The following NPC1 variants were observed in gnomAD, a reference collection of about 807,000 sequenced individuals.
NPC1 encodes Niemann-Pick C1 protein.
Under a neutral mutation model 140.4 loss-of-function variants are expected in NPC1, and 85 were observed. That is an observed-to-expected ratio of 0.61 (90% CI 0.51 to 0.72). The LOEUF (loss-of-function observed/expected upper bound fraction) is 0.72. Ranked by LOEUF, NPC1 falls within the 30% of genes least tolerant of loss-of-function variation. The pLI is 0.00. For synonymous variants in NPC1, 656 were observed against 624.8 expected (o/e 1.05, Z -0.74); for missense variants, 1,504 against 1,623.8 (o/e 0.93, Z 1.27).
Position 23,538,775 on chromosome 18 carries a change from C to A in NPC1, c.2912-104G>T. On this transcript the variant is annotated intron_variant, in intron 19 of 24. Transcript: ENST00000269228. ...TGAGGGGCATTACTTTCTTCTCTAT[C>A]GATTACTTTCCTTACTAGTGAGGGA... is the stretch of plus-strand genomic sequence containing the variant. 3 of 1,237,316 alleles carry A rather than the reference C, an allele frequency of 2.4e-6. No individual in the cohort carries two copies. The South Asian group carries it at 3.6e-5, about 15-fold the overall frequency. The allele number at this position is 1,237,316 out of a possible 1,614,324, so 76.6% of individuals were successfully genotyped here.
chr18:23,516,145 A>G, intron 3 of NPC1: 1 of 1,343,804 alleles, frequency 7.4e-7, no homozygotes, highest in African/African-American at 1.5e-5. Flanking sequence ...TATACCCGTC[A>G]GCTCCTGGAG....
intron 6 of NPC1, 147 bp from the exon 7 acceptor site, chr18:23,557,337 T>G: frequency 2.9e-6 from 2 of 699,308 alleles, no homozygotes; most frequent in Non-Finnish European, 5.2e-6. Flanking sequence ...CTAAGTCCCC[T>G]TGCTCTGGGT....
At chr18:23,561,840 T>C (rs1156784528) in intron 4 of NPC1, among the ~76,000 whole-genome samples, 3 of 152,120 alleles carry the variant, frequency 2.0e-5, no homozygotes, top group East Asian at 3.8e-4. Context: ...TAGAAGAGTA[T>C]ACCAAGGCCC....
Position 23,586,457 on chromosome 18 carries a change from C to T in NPC1, c.-114G>A. 1 of 1,486,200 alleles carries T rather than the reference C, an allele frequency of 6.7e-7. No homozygotes were observed. Among genetic ancestry groups the T allele is most frequent in the Non-Finnish European group, 8.9e-7 (1 of 1,125,036 alleles). The allele number at this position is 1,486,200 out of a possible 1,614,324, so 92.1% of individuals were successfully genotyped here. On this transcript the variant is annotated 5_prime_UTR_variant, in exon 1 of 25. Transcript: ENST00000269228. ...ACCCCGCGCAGGAGGAGCGGAGGAG[C>T]AGGAGCAGGCGCTGACCGCGGCAGC...
At chr18:23,524,069 G>T in intron 1 of NPC1, 1 of 1,532,258 alleles carries the variant, frequency 6.5e-7, no homozygotes, top group Non-Finnish European at 9.0e-7. Flanking sequence ...TGTGTCATAA[G>T]TACCAGCATT....
At chr18:23,572,042 C>A (rs1818242641) in intron 3 of NPC1, 32 bp downstream of exon 3, 3 of 1,404,336 alleles carry the variant, frequency 2.1e-6, no homozygotes, top group Admixed American at 1.7e-5. Flanking sequence ...GTATCTACAG[C>A]CCAGTTGTTC....
rs2145447572 is a variant in NPC1, at chr18:23,554,863, C to T, written c.1448G>A (p.Ser483Asn). The T allele has an allele frequency of 1.2e-6, 2 of 1,614,176 alleles. No individual in the cohort carries two copies. The highest frequency in any genetic ancestry group is 1.7e-5 in the Admixed American group (1 of 60,022). Residue 483 changes from serine to asparagine, a missense_variant, in exon 9 of 25, where the codon AGT becomes AAT. Physicochemically the swap from Ser to Asn is conservative, Grantham distance 46. Coordinates refer to ENST00000269228, the MANE Select transcript of NPC1 (RefSeq NM_000271.5). Reference protein sequence around the residue: ...SPYNTNCTILSVLNYFQNSHS... With the variant: ...SPYNTNCTILNVLNYFQNSHS... ...GCTGTTCTGGAAGTAATTTAACACA[C>T]TCAAAATGGTGCAGTTCGTGTTATA...
intron 1 of NPC1, among the ~76,000 whole-genome samples, chr18:23,578,119 A>G (rs1414181756): frequency 3.9e-5 from 6 of 152,252 alleles, no homozygotes; most frequent in Non-Finnish European, 8.8e-5. Context: ...AAATGCCACC[A>G]AAGTGGGAGC....
At chr18:23,509,090 G>C (rs892084122) in intron 3 of NPC1, 12 of 397,934 alleles carry the variant, frequency 3.0e-5, no homozygotes, top group Non-Finnish European at 5.3e-5. Flanking sequence ...TCCGGGGAAC[G>C]TTCATTAAAG....
chr18:23,526,852 T>C (rs1194527806), downstream of NPC1: 1 of 1,523,158 alleles, frequency 6.6e-7, no homozygotes, highest in African/African-American at 1.4e-5. Flanking sequence ...GCTACATTGT[T>C]GTGTCTTGTC....
At chr18:23,540,744 G>A (rs1297366604) in intron 16 of NPC1, among the ~76,000 whole-genome samples, 2 of 152,128 alleles carry the variant, frequency 1.3e-5, no homozygotes, top group African/African-American at 2.4e-5. Flanking sequence ...TGCCACTTAC[G>A]GGCTGAGTGA....
chr18:23,506,724 AT>A (rs904620797), intron 3 of NPC1: 9 of 379,100 alleles, frequency 2.4e-5, no homozygotes, highest in Non-Finnish European at 3.4e-5. Flanking sequence ...CTCAGGTGAT[AT>A]GTGTGTGTGA....
At position 23,531,968 on chromosome 18, in the gene NPC1, C is replaced by T. The variant is rs2058525389; in HGVS notation, c.*234G>A. The T allele has an allele frequency of 6.9e-7, 1 of 1,449,950 alleles. No individual in the cohort carries two copies. The highest frequency in any genetic ancestry group is 2.7e-5 in the Admixed American group (1 of 36,862). The allele number at this position is 1,449,950 out of a possible 1,614,324, so 89.8% of individuals were successfully genotyped here. A position where few individuals can be genotyped will look rare whatever the true frequency, so the allele number is the denominator to read the frequency against. On this transcript the variant is annotated 3_prime_UTR_variant, in exon 25 of 25. Coordinates refer to ENST00000269228, the MANE Select transcript of NPC1 (RefSeq NM_000271.5). ...CTTGCCAAAGAATGAGGTTTCTTTC[C>T]TGAAGAGGCTGGGAGAAGTTTAGTG...
chr18:23,578,716 C>T (rs2059322004), intron 1 of NPC1, among the ~76,000 whole-genome samples: 2 of 152,244 alleles, frequency 1.3e-5, no homozygotes, highest in Admixed American at 1.3e-4. Flanking sequence ...TTCTCTCCAG[C>T]AGCACTTTCC....
chr18:23,508,961 C>T (rs1400006064), intron 3 of NPC1, among the ~76,000 whole-genome samples: 2 of 152,204 alleles, frequency 1.3e-5, no homozygotes, highest in Non-Finnish European at 2.9e-5. Flanking sequence ...AAAACACAGA[C>T]TTCTCCTGTT....
downstream of NPC1, chr18:23,519,094 A>G (rs1018330418): frequency 1.9e-6 from 3 of 1,614,078 alleles, no homozygotes; most frequent in African/African-American, 2.7e-5. Flanking sequence ...AAAGATGCAC[A>G]TATTGAAGTT....
chr18:23,509,400 T>C (rs947497729), intron 3 of NPC1: 1 of 340,600 alleles, frequency 2.9e-6, no homozygotes, highest in Non-Finnish European at 5.2e-6. Flanking sequence ...GATGGAGTCT[T>C]GCTCTGTTGC....
intron 21 of NPC1, 107 bp downstream of exon 21, chr18:23,536,566 C>A (rs1179478895): frequency 4.2e-6 from 4 of 951,470 alleles, no homozygotes; most frequent in Non-Finnish European, 6.6e-6. Flanking sequence ...GGAGCAGGGG[C>A]CAGAACCCAA....
rs2058875058 is a variant in NPC1 at position 23,551,695 on chromosome 18, A to T, written c.1586T>A (p.Leu529His). The change falls in exon 10 of 25, where the codon CTC (leucine) becomes CAC (histidine). Residue 529 changes from leucine (L) to histidine (H), a missense_variant. By Grantham distance (99) the Leu-to-His change is moderately conservative (BLOSUM62 -3). Transcript: ENST00000269228. ...AAACGTACCCAGACAAGGGTCATGG[A>T]GCAAACTTGTATCATTCAGAGAGGC... ...APASLNDTSLLHDPCLGTFGG... is the reference protein window; with the variant it reads ...APASLNDTSLHHDPCLGTFGG... The T allele has an allele frequency of 6.2e-7, 1 of 1,614,226 alleles. No individual in the cohort carries two copies. Among genetic ancestry groups the T allele is most frequent in the Non-Finnish European group, 8.5e-7 (1 of 1,180,028 alleles).
Sources: allele counts gnomAD v4.1 joint callset (sites outside exome capture counted in the v4.1 genomes callset), GRCh38; gene constraint gnomAD v4.1.1; transcripts MANE v1.5; gene names NCBI Gene and HGNC (gene_info 2026-07-23, HGNC 2026-07-21).